The following FHOD3 variants were observed in gnomAD, a reference collection of about 807,000 sequenced individuals.
FHOD3 encodes the protein FH1/FH2 domain-containing protein 3.
FHOD3 carries 90 observed loss-of-function variants against 173.0 expected under a neutral mutation model. The ratio of observed to expected loss-of-function variants is 0.52; its 90% confidence interval spans 0.44 to 0.62. FHOD3 has a LOEUF of 0.62. Among genes scored for constraint, FHOD3 ranks in the 20% least tolerant of loss-of-function variants. The pLI, the probability that FHOD3 is intolerant of heterozygous loss-of-function variation, is 0.00. For synonymous variants in FHOD3, 828 were observed against 823.0 expected (o/e 1.01, Z -0.10); for missense variants, 1,945 against 2,034.7 (o/e 0.96, Z 0.85).
chr18:36,638,624 C>T (rs1207543159), intron 10 of FHOD3, among the ~76,000 whole-genome samples: 1 of 152,156 alleles, frequency 6.6e-6, no homozygotes, highest in East Asian at 1.9e-4. Flanking sequence ...TCAACCCTGC[C>T]AAGCATCTAA....
intron 11 of FHOD3, 116 bp downstream of exon 11, chr18:36,649,521 TCTTA>T (rs2035911688): frequency 2.8e-6 from 2 of 710,160 alleles, no homozygotes. Flanking sequence ...ACTTGCAAAC[TCTTA>T]CTTACCCTGT....
At chr18:36,762,112 T>G (rs2042906917) in intron 27 of FHOD3, among the ~76,000 whole-genome samples, 1 of 152,170 alleles carries the variant, frequency 6.6e-6, no homozygotes, top group African/African-American at 2.4e-5. Flanking sequence ...CTTTGCTCAC[T>G]AACTAGTGCT....
intron 14 of FHOD3, among the ~76,000 whole-genome samples, chr18:36,670,551 A>G (rs1409063405): frequency 3.3e-5 from 5 of 152,134 alleles, no homozygotes; most frequent in Non-Finnish European, 7.4e-5. Context: ...TACCTTTCAT[A>G]TTTTAACATG....
At chr18:36,497,533 C>T (rs1336980018) in intron 3 of FHOD3, among the ~76,000 whole-genome samples, 3 of 152,136 alleles carry the variant, frequency 2.0e-5, no homozygotes, top group Non-Finnish European at 4.4e-5. Context: ...AAAAGATACA[C>T]CATTCACTAA....
At position 36,779,464 on chromosome 18, in the gene FHOD3, G is replaced by T; in HGVS notation, c.4803G>T (p.Lys1601Asn). Residue 1601 changes from lysine to asparagine, a missense_variant, in exon 29 of 29, where the codon AAG becomes AAT. Physicochemically the swap from Lys to Asn is moderately conservative, Grantham distance 94. Transcript: ENST00000590592. ...ANRKSLRRTL[K>N]SGLTPEEARA... is the part of the protein sequence containing the mutation. ...CCACTGCAGTGCGAAGAACCCTGAA[G>T]AGCGGCCTGACCCCAGAAGAAGCCA... 1 of 1,614,188 alleles carries T rather than the reference G, an allele frequency of 6.2e-7. No homozygotes were observed. The highest frequency in any genetic ancestry group is 1.3e-5 in the African/African-American group (1 of 75,058).
At chr18:36,603,761 C>T (rs2031719971) in intron 8 of FHOD3, among the ~76,000 whole-genome samples, 1 of 152,194 alleles carries the variant, frequency 6.6e-6, no homozygotes, top group African/African-American at 2.4e-5. Context: ...GTTTTGGCCT[C>T]CCAAAGTGCT....
In FHOD3 at chr18:36,602,878, A is replaced by G. The variant is rs896114674; in HGVS notation, c.813+110A>G. ...TTATTTGGAAATAGTGTCGTAGCAGATATAATCTGGTTGTGAGGGTGGGCT... is the reference window on the plus strand; with the variant it reads ...TTATTTGGAAATAGTGTCGTAGCAGGTATAATCTGGTTGTGAGGGTGGGCT... On this transcript the variant is annotated intron_variant, in intron 8 of 28. Coordinates refer to ENST00000590592, the MANE Select transcript of FHOD3 (RefSeq NM_001281740.3). 4.8e-6 allele frequency: 4 copies of G among 833,706 alleles called. No homozygotes were observed. In the African/African-American group the frequency reaches 6.8e-5, roughly 14 times the overall value. The allele number at this position is 833,706 out of a possible 1,614,324, so 51.6% of individuals were successfully genotyped here. A position where few individuals can be genotyped will look rare whatever the true frequency, so the allele number is the denominator to read the frequency against.
At chr18:36,656,478 A>G (rs2036434920) in intron 13 of FHOD3, among the ~76,000 whole-genome samples, 1 of 152,206 alleles carries the variant, frequency 6.6e-6, no homozygotes, top group African/African-American at 2.4e-5. Context: ...ATGTGACACT[A>G]AATAAATAAG....
At position 36,404,753 on chromosome 18, in the gene FHOD3, G is replaced by A. The variant is rs1272578416; in HGVS notation, c.337+32009G>A. 6.6e-5 allele frequency among the ~76,000 whole-genome samples: 10 copies of A among 152,258 alleles called. No individual in the cohort carries two copies. In the South Asian group the frequency reaches 8.3e-4, roughly 13 times the overall value. On this transcript the variant is annotated intron_variant, in intron 3 of 28. Coordinates refer to ENST00000590592, the MANE Select transcript of FHOD3 (RefSeq NM_001281740.3). The stretch of plus-strand genomic sequence containing the variant: ...GGTAGCTGAGCAGTTGTGTGCTTGC[G>A]GTATTGTTCCTCCATCCTTGGACCT...
intron 10 of FHOD3, among the ~76,000 whole-genome samples, chr18:36,645,794 A>T (rs543872399): frequency 9.2e-5 from 14 of 152,130 alleles, no homozygotes; most frequent in Admixed American, 3.3e-4. Flanking sequence ...TTGGCTTAAC[A>T]TTTTTTTTAA....
intron 24 of FHOD3, among the ~76,000 whole-genome samples, chr18:36,749,863 A>C (rs931433957): frequency 6.6e-6 from 1 of 151,868 alleles, no homozygotes; most frequent in South Asian, 2.1e-4. Flanking sequence ...TGACTTTTTA[A>C]TTATAACCAT....
chr18:36,692,681 TGA>T (rs2039035419), intron 16 of FHOD3, among the ~76,000 whole-genome samples: 1 of 152,374 alleles, frequency 6.6e-6, no homozygotes, highest in South Asian at 2.1e-4. Flanking sequence ...TGGTCAGCAC[TGA>T]GAGAACAAAG....
At chr18:36,448,146 T>G (rs1360403542) in intron 3 of FHOD3, among the ~76,000 whole-genome samples, 1 of 152,228 alleles carries the variant, frequency 6.6e-6, no homozygotes. Context: ...ACTCTAAGCT[T>G]CTTATAATAG....
chr18:36,567,585 T>C (rs1599686303), intron 5 of FHOD3, among the ~76,000 whole-genome samples: 1 of 152,200 alleles, frequency 6.6e-6, no homozygotes, highest in South Asian at 2.1e-4. Flanking sequence ...ATAGAGCAAC[T>C]ATTTGAAGAC....
At chr18:36,658,747 G>A (rs1014131155) in intron 14 of FHOD3, among the ~76,000 whole-genome samples, 5 of 152,208 alleles carry the variant, frequency 3.3e-5, no homozygotes, top group Admixed American at 2.0e-4. Flanking sequence ...CAAGGGAAAG[G>A]TAAGACCTGT....
At chr18:36,332,945 G>A (rs371995717) in intron 1 of FHOD3, among the ~76,000 whole-genome samples, 1 of 152,238 alleles carries the variant, frequency 6.6e-6, no homozygotes, top group Non-Finnish European at 1.5e-5. Context: ...GACTCTGCCT[G>A]CTGGGGCAGG....
At chr18:36,435,611 G>A (rs752964512) in intron 3 of FHOD3, among the ~76,000 whole-genome samples, 21 of 152,074 alleles carry the variant, frequency 1.4e-4, no homozygotes, top group Non-Finnish European at 2.9e-4. Flanking sequence ...CTCAGACATC[G>A]CTTTCCAATG....
chr18:36,608,800 A>G (rs1459141893), intron 8 of FHOD3, among the ~76,000 whole-genome samples: 5 of 152,196 alleles, frequency 3.3e-5, no homozygotes, highest in Admixed American at 6.5e-5. Context: ...TTTTGAGATT[A>G]ATCTTTTATT....
At chr18:36,655,278 A>T (rs908600909) in intron 13 of FHOD3, among the ~76,000 whole-genome samples, 8 of 152,132 alleles carry the variant, frequency 5.3e-5, no homozygotes, top group Non-Finnish European at 1.2e-4. Flanking sequence ...GAACAAAAAT[A>T]TGTTGGTGAT....
Sources: gnomAD v4.1 joint callset for allele counts (sites outside exome capture counted in the v4.1 genomes callset) on GRCh38, gnomAD v4.1.1 for gene constraint, MANE v1.5 for transcripts, NCBI Gene and HGNC (gene_info 2026-07-23, HGNC 2026-07-21) for gene names.